CDH18: variants seen among roughly 807,000 people sequenced by gnomAD.
CDH18 encodes cadherin 18.
Under a neutral mutation model 67.9 loss-of-function variants are expected in CDH18, and 31 were observed. The observed-to-expected ratio is 0.46, with a 90% CI of 0.34 to 0.62. The LOEUF (loss-of-function observed/expected upper bound fraction) is 0.62, where lower values mean the gene tolerates loss of function less well. CDH18 is among the 20% of genes least tolerant of loss of function. The pLI, the probability that CDH18 is intolerant of heterozygous loss-of-function variation, is 0.01. For missense variants in CDH18, 890 were observed against 975.5 expected (o/e 0.91, Z 1.17); for synonymous variants, 362 against 347.2 (o/e 1.04, Z -0.48).
chr5:19,838,745 A>G lies in CDH18; in HGVS notation c.228+14T>C. The G allele has an allele frequency of 6.3e-7, 1 of 1,580,032 alleles. No homozygotes were observed. The highest frequency in any genetic ancestry group is 8.7e-7 in the Non-Finnish European group (1 of 1,150,092). On this transcript the variant is annotated intron_variant, in intron 3 of 12. Coordinates refer to ENST00000382275, the MANE Select transcript of CDH18 (RefSeq NM_004934.5). ...CTCAGGATAGAAAAAACAGCAAAAT[A>G]AACAAAATCTTACCTTTCCAACATA...
intron 1 of CDH18, among the ~76,000 whole-genome samples, chr5:20,410,288 G>A (rs543972677): frequency 6.6e-6 from 1 of 151,824 alleles, no homozygotes; most frequent in South Asian, 2.1e-4. Context: ...TCCATACCAT[G>A]ATTAAATGGG....
chr5:20,467,661 C>T (rs955417013), intron 1 of CDH18, among the ~76,000 whole-genome samples: 1 of 152,108 alleles, frequency 6.6e-6, no homozygotes, highest in Non-Finnish European at 1.5e-5. Context: ...TTAGCTAACA[C>T]ATATTTATTG....
In CDH18 at chr5:19,849,623, TA is replaced by T. The variant is rs1344258134; in HGVS notation, c.-256-10382del. Reference sequence around the variant, plus strand: ...ACATATATATACACGCATATATATATAAACATATATATACACGCATATATAT... The same window carrying T: ...ACATATATATACACGCATATATATATAACATATATATACACGCATATATAT... On this transcript the variant is annotated intron_variant, in intron 2 of 12. Coordinates refer to ENST00000382275, the MANE Select transcript of CDH18 (RefSeq NM_004934.5). 1.4e-4 allele frequency among the ~76,000 whole-genome samples: 10 copies of T among 74,068 alleles called. No homozygotes were observed. The East Asian group carries it at 4.0e-3, about 30-fold the overall frequency. 48.6% of individuals were successfully genotyped at this position (74,068 alleles called of 152,430 possible). A position where few individuals can be genotyped will look rare whatever the true frequency, so the allele number is the denominator to read the frequency against.
chr5:19,915,245 T>C (rs1791628689), intron 2 of CDH18, among the ~76,000 whole-genome samples: 1 of 152,174 alleles, frequency 6.6e-6, no homozygotes, highest in African/African-American at 2.4e-5. Flanking sequence ...CGTTTCTCAG[T>C]TGTCTTTCTT....
chr5:20,004,889 T>C (rs1479549757), intron 2 of CDH18, among the ~76,000 whole-genome samples: 3 of 151,832 alleles, frequency 2.0e-5, no homozygotes, highest in Non-Finnish European at 2.9e-5. Context: ...AAAAGTAAAT[T>C]TGAAGACCCA....
At chr5:19,936,278 C>T (rs1244166708) in intron 2 of CDH18, among the ~76,000 whole-genome samples, 1 of 151,056 alleles carries the variant, frequency 6.6e-6, no homozygotes, top group Non-Finnish European at 1.5e-5. Context: ...CTTAATTTTT[C>T]AACAAGAAAT....
At chr5:19,777,929 A>T (rs1581304547) in intron 3 of CDH18, among the ~76,000 whole-genome samples, 1 of 152,182 alleles carries the variant, frequency 6.6e-6, no homozygotes, top group East Asian at 1.9e-4. Flanking sequence ...TTCTATAAGT[A>T]GTAAAAAGGC....
chr5:20,037,386 C>T (rs1739971685), intron 2 of CDH18, among the ~76,000 whole-genome samples: 1 of 152,030 alleles, frequency 6.6e-6, no homozygotes, highest in South Asian at 2.1e-4. Flanking sequence ...CTCTCCACCC[C>T]AAATCAACAG....
intron 1 of CDH18, among the ~76,000 whole-genome samples, chr5:20,376,107 T>TTTTTTTTTTTTTTTTTTTTG (rs1318320616): frequency 8.9e-6 from 1 of 112,902 alleles, no homozygotes; most frequent in African/African-American, 3.1e-5. Context: ...TTTTTTTTTT[T>TTTTTTTTTTTTTTTTTTTTG]TTTTGAGACG....
chr5:20,369,940 C>T (rs1433679522), intron 1 of CDH18, among the ~76,000 whole-genome samples: 2 of 152,038 alleles, frequency 1.3e-5, no homozygotes, highest in East Asian at 1.9e-4. Context: ...ACATGTGCTA[C>T]GGTGGTTTGC....
intron 1 of CDH18, among the ~76,000 whole-genome samples, chr5:20,351,625 C>T (rs1241476435): frequency 1.3e-5 from 2 of 150,996 alleles, no homozygotes; most frequent in Non-Finnish European, 2.9e-5. Context: ...TAGGAAAATA[C>T]AATTTTGGTA....
At chr5:19,695,115 C>A (rs1047609828) in intron 5 of CDH18, among the ~76,000 whole-genome samples, 2 of 151,942 alleles carry the variant, frequency 1.3e-5, no homozygotes, top group Non-Finnish European at 2.9e-5. Context: ...GGACTGTGTG[C>A]ACCAAGTGCA....
intron 2 of CDH18, among the ~76,000 whole-genome samples, chr5:19,943,170 ATTGTAATAATCTTT>A (rs1202744743): frequency 6.6e-6 from 1 of 152,146 alleles, no homozygotes; most frequent in Non-Finnish European, 1.5e-5. Context: ...AGGGAAAATG[ATTGTAATAATCTTT>A]TTGTTGTTGT....
chr5:19,735,983 G>A (rs1768269891), intron 4 of CDH18, among the ~76,000 whole-genome samples: 1 of 152,096 alleles, frequency 6.6e-6, no homozygotes, highest in South Asian at 2.1e-4. Context: ...TTAATTGGAG[G>A]AAAGAATTAA....
At chr5:20,517,214 T>G (rs1755432188) in intron 1 of CDH18, among the ~76,000 whole-genome samples, 1 of 151,710 alleles carries the variant, frequency 6.6e-6, no homozygotes, top group African/African-American at 2.4e-5. Flanking sequence ...TATTATGAAA[T>G]TACTAAATTT....
intron 1 of CDH18, among the ~76,000 whole-genome samples, chr5:20,287,255 T>C (rs1746760858): frequency 6.6e-6 from 1 of 151,796 alleles, no homozygotes; most frequent in African/African-American, 2.4e-5. Flanking sequence ...ATATCTTAAT[T>C]GGAATTGATC....
intron 2 of CDH18, among the ~76,000 whole-genome samples, chr5:20,083,059 T>C (rs1490385586): frequency 1.3e-5 from 2 of 152,192 alleles, no homozygotes; most frequent in Non-Finnish European, 2.9e-5. Flanking sequence ...GTGGAAAATA[T>C]GTTACATTGC....
intron 2 of CDH18, among the ~76,000 whole-genome samples, chr5:19,970,038 T>C (rs553083704): frequency 4.1e-4 from 62 of 152,002 alleles, no homozygotes; most frequent in Admixed American, 3.5e-3. Context: ...CAGAGCTAGA[T>C]ACATGGAGCA....
intron 2 of CDH18, among the ~76,000 whole-genome samples, chr5:20,148,335 GA>G (rs1750829987): frequency 6.6e-6 from 1 of 152,042 alleles, no homozygotes; most frequent in East Asian, 1.9e-4. Context: ...CTGACCTCGT[GA>G]TCCGCCCGCC....
Sources: gnomAD v4.1 joint callset for allele counts (sites outside exome capture counted in the v4.1 genomes callset) on GRCh38, gnomAD v4.1.1 for gene constraint, MANE v1.5 for transcripts, NCBI Gene and HGNC (gene_info 2026-07-23, HGNC 2026-07-21) for gene names.